TBC1D5: variants seen among roughly 807,000 people sequenced by gnomAD.
TBC1D5 encodes the protein TBC1 domain family, member 5.
Under a neutral mutation model 100.3 loss-of-function variants are expected in TBC1D5, and 75 were observed. That is an observed-to-expected ratio of 0.75 (90% CI 0.62 to 0.91). The LOEUF (loss-of-function observed/expected upper bound fraction) is 0.91. Among genes scored for constraint, TBC1D5 ranks in the 40% least tolerant of loss-of-function variants. TBC1D5 has a pLI of 0.00. For missense variants in TBC1D5, 910 were observed against 942.4 expected (o/e 0.97, Z 0.45); for synonymous variants, 323 against 325.6 (o/e 0.99, Z 0.09).
chr3:17,709,055 A>G (rs765418434), intron 1 of TBC1D5, among the ~76,000 whole-genome samples: 7 of 152,190 alleles, frequency 4.6e-5, no homozygotes, highest in Non-Finnish European at 8.8e-5. Context: ...CTTGGCATAC[A>G]TGCATATTAG....
chr3:17,719,190 A>G (rs371291743), intron 1 of TBC1D5, among the ~76,000 whole-genome samples: 17 of 152,220 alleles, frequency 1.1e-4, no homozygotes, highest in African/African-American at 4.1e-4. Flanking sequence ...GTTTCAAATG[A>G]AAGCTTACCA....
chr3:17,706,512 T>C (rs1024109254), intron 1 of TBC1D5, among the ~76,000 whole-genome samples: 14 of 152,166 alleles, frequency 9.2e-5, no homozygotes, highest in Non-Finnish European at 2.1e-4. Flanking sequence ...ACCCTTACAA[T>C]GTATCATGTA....
chr3:17,356,657 T>G (rs929038953), intron 13 of TBC1D5, among the ~76,000 whole-genome samples: 2 of 152,172 alleles, frequency 1.3e-5, no homozygotes, highest in Non-Finnish European at 2.9e-5. Context: ...CTTAGAAATC[T>G]AAGAACATCT....
chr3:17,698,870 A>G (rs1376635315), intron 1 of TBC1D5, among the ~76,000 whole-genome samples: 10 of 136,222 alleles, frequency 7.3e-5, no homozygotes, highest in African/African-American at 1.1e-4. Context: ...TTAGAATGGC[A>G]ATCATTAAAA....
At chr3:17,319,856 C>T (rs983955615) in intron 13 of TBC1D5, among the ~76,000 whole-genome samples, 7 of 151,956 alleles carry the variant, frequency 4.6e-5, no homozygotes, top group South Asian at 2.1e-4. Context: ...GGCGACACAG[C>T]GAGACTCTGT....
At chr3:17,336,168 T>C (rs983511538) in intron 13 of TBC1D5, among the ~76,000 whole-genome samples, 1 of 152,016 alleles carries the variant, frequency 6.6e-6, no homozygotes, top group Admixed American at 6.6e-5. Flanking sequence ...AAGCCAAAGA[T>C]AGCTAGTAAG....
At chr3:17,419,562 T>C (rs1333958529) in intron 4 of TBC1D5, among the ~76,000 whole-genome samples, 1 of 152,234 alleles carries the variant, frequency 6.6e-6, no homozygotes, top group East Asian at 1.9e-4. Flanking sequence ...TCTTTGTACA[T>C]GTTGCTCGCC....
At chr3:17,530,882 G>A (rs991420674) in intron 2 of TBC1D5, among the ~76,000 whole-genome samples, 11 of 152,142 alleles carry the variant, frequency 7.2e-5, no homozygotes, top group South Asian at 6.2e-4. Context: ...ATATCATACC[G>A]AATGGACAAA....
intron 3 of TBC1D5, among the ~76,000 whole-genome samples, chr3:17,478,138 C>A (rs1376582828): frequency 1.3e-5 from 2 of 151,948 alleles, no homozygotes; most frequent in African/African-American, 4.8e-5. Context: ...TGCTTGTTTC[C>A]CATTAGCTGC....
chr3:17,699,553 T>TCAATAAAG (rs374899793), intron 1 of TBC1D5, among the ~76,000 whole-genome samples: 2 of 141,454 alleles, frequency 1.4e-5, no homozygotes, highest in East Asian at 4.3e-4. Context: ...TAATAATAAA[T>TCAATAAAG]AGATTTTTAA....
At chr3:17,707,841 T>C (rs1023722526) in intron 1 of TBC1D5, among the ~76,000 whole-genome samples, 1 of 152,212 alleles carries the variant, frequency 6.6e-6, no homozygotes, top group African/African-American at 2.4e-5. Flanking sequence ...TGCAACATGC[T>C]GTACCAAGTA....
At chr3:17,262,995 G>A (rs1314378803) in intron 15 of TBC1D5, among the ~76,000 whole-genome samples, 1 of 152,042 alleles carries the variant, frequency 6.6e-6, no homozygotes, top group Non-Finnish European at 1.5e-5. Flanking sequence ...GGGAGGCTGA[G>A]GTAGGAGGAT....
chr3:17,425,457 T>C (rs977567351), intron 4 of TBC1D5, among the ~76,000 whole-genome samples: 2 of 152,146 alleles, frequency 1.3e-5, no homozygotes, highest in African/African-American at 4.8e-5. Flanking sequence ...TGAAACCCCA[T>C]CTCTACAAAA....
At chr3:17,344,985 A>G (rs2089646861) in intron 13 of TBC1D5, among the ~76,000 whole-genome samples, 5 of 152,236 alleles carry the variant, frequency 3.3e-5, no homozygotes. Flanking sequence ...CCTAGGCATT[A>G]CCATTCACAG....
intron 13 of TBC1D5, among the ~76,000 whole-genome samples, chr3:17,365,831 G>A (rs1190635167): frequency 1.3e-5 from 2 of 152,116 alleles, no homozygotes; most frequent in East Asian, 1.9e-4. Flanking sequence ...CACACTTATA[G>A]TCCTAGTCAA....
At chr3:17,403,122 TAGAA>T (rs2093686932) in intron 8 of TBC1D5, 55 bp downstream of exon 8, 3 of 1,409,328 alleles carry the variant, frequency 2.1e-6, no homozygotes, top group Non-Finnish European at 2.9e-6. Flanking sequence ...TTGTTAAAAT[TAGAA>T]AGAGATAACA....
At chr3:17,635,199 G>A (rs2153684423) in intron 1 of TBC1D5, among the ~76,000 whole-genome samples, 1 of 152,266 alleles carries the variant, frequency 6.6e-6, no homozygotes, top group African/African-American at 2.4e-5. Context: ...GTTTGGAAGA[G>A]AAAGAACAGG....
At chr3:17,364,703 CT>C (rs1443024248) in intron 13 of TBC1D5, among the ~76,000 whole-genome samples, 2 of 152,116 alleles carry the variant, frequency 1.3e-5, no homozygotes, top group Non-Finnish European at 1.5e-5. Context: ...AGTACCATAA[CT>C]AACGTTTGAT....
intron 9 of TBC1D5, among the ~76,000 whole-genome samples, chr3:17,383,130 T>C (rs1489842927): frequency 1.3e-5 from 2 of 152,020 alleles, no homozygotes; most frequent in African/African-American, 4.8e-5. Context: ...AAATCTAGTT[T>C]ATTTCAAATT....
Sources: gnomAD v4.1 joint callset for allele counts (sites outside exome capture counted in the v4.1 genomes callset) on GRCh38, gnomAD v4.1.1 for gene constraint, MANE v1.5 for transcripts, NCBI Gene and HGNC (gene_info 2026-07-23, HGNC 2026-07-21) for gene names.